Variants in NTM observed in about 807,000 individuals in gnomAD.
NTM encodes IgLON family member 2.
A neutral mutation model predicts 42.1 loss-of-function variants in NTM; 13 were observed. The observed-to-expected ratio is 0.31, with a 90% confidence interval of 0.20 to 0.49. NTM has a LOEUF of 0.49. Among genes scored for constraint, NTM ranks in the 20% least tolerant of loss-of-function variants. The pLI, the probability that NTM is intolerant of heterozygous loss-of-function variation, is 0.99. For synonymous variants in NTM, 187 were observed against 179.2 expected (o/e 1.04, Z -0.35); for missense variants, 373 against 452.8 (o/e 0.82, Z 1.60).
intron 1 of NTM, among the ~76,000 whole-genome samples, chr11:131,592,905 C>A (rs970793707): frequency 6.6e-6 from 1 of 152,164 alleles, no homozygotes; most frequent in Non-Finnish European, 1.5e-5. Context: ...CCCTTCCCTG[C>A]CAATCTCCGG....
At chr11:131,716,345 C>T (rs2077686260) in intron 1 of NTM, among the ~76,000 whole-genome samples, 1 of 152,108 alleles carries the variant, frequency 6.6e-6, no homozygotes, top group Admixed American at 6.5e-5. Context: ...ATATTCAGAC[C>T]ATAGCCTAAG....
chr11:132,094,000 A>G (rs1410943864), intron 2 of NTM, among the ~76,000 whole-genome samples: 1 of 152,176 alleles, frequency 6.6e-6, no homozygotes, highest in Non-Finnish European at 1.5e-5. Context: ...GAAAAAGGAA[A>G]GTGATGAACA....
chr11:131,875,319 T>C (rs1469480584), intron 1 of NTM, among the ~76,000 whole-genome samples: 1 of 152,220 alleles, frequency 6.6e-6, no homozygotes, highest in African/African-American at 2.4e-5. Context: ...CTTATAATAT[T>C]TGGTGAGTTC....
intron 4 of NTM, among the ~76,000 whole-genome samples, chr11:132,249,575 C>T (rs2091687516): frequency 6.6e-6 from 1 of 152,194 alleles, no homozygotes; most frequent in South Asian, 2.1e-4. Context: ...ATTTCAAATC[C>T]TAGGTGTCAT....
chr11:132,159,396 A>C (rs892904912), intron 3 of NTM, among the ~76,000 whole-genome samples: 1 of 152,202 alleles, frequency 6.6e-6, no homozygotes, highest in African/African-American at 2.4e-5. Flanking sequence ...TAAAAGTTTC[A>C]AGTTTATATA....
chr11:132,248,219 C>T (rs1202901844), intron 4 of NTM, among the ~76,000 whole-genome samples: 6 of 152,190 alleles, frequency 3.9e-5, no homozygotes, highest in Non-Finnish European at 8.8e-5. Flanking sequence ...CATCCTTCTC[C>T]TGGCTTGTCA....
Position 132,146,837 on chromosome 11 carries a change from G to T in NTM, c.400+323G>T, listed in dbSNP as rs1387272951. Reference sequence around the variant, plus strand: ...GTTTGTTTGTTTTTTGTTTTGTTTTGTTTTGTTTTTTAGATTTCATCCAAT... The same window carrying T: ...GTTTGTTTGTTTTTTGTTTTGTTTTTTTTTGTTTTTTAGATTTCATCCAAT... On this transcript the variant is annotated intron_variant, in intron 3 of 8. Transcript: ENST00000683400. The surrounding 1 kb of genome is among the most constrained non-coding windows in gnomAD (Gnocchi z 4.5). The T allele has an allele frequency of 2.9e-6, 1 of 340,538 alleles. No homozygotes were observed. Among genetic ancestry groups the T allele is most frequent in the Non-Finnish European group, 5.3e-6 (1 of 188,036 alleles). The allele number at this position is 340,538 out of a possible 1,614,324, so 21.1% of individuals were successfully genotyped here. A position where few individuals can be genotyped will look rare whatever the true frequency, so the allele number is the denominator to read the frequency against.
Position 132,267,515 on chromosome 11 carries a change from TA to T in NTM, c.527-40163del, listed in dbSNP as rs373793255. On this transcript the variant is annotated intron_variant, in intron 4 of 8. Transcript: ENST00000683400. ...TTTTTAATTTTCATTCAGATACCTTTAAAAAAAAAAACTCATGGGAGCTGGG... is the reference window on the plus strand; with the variant it reads ...TTTTTAATTTTCATTCAGATACCTTTAAAAAAAAAACTCATGGGAGCTGGG... 7.2e-4 allele frequency among the ~76,000 whole-genome samples: 103 copies of T among 144,028 alleles called. 1 individual carries two copies. Among genetic ancestry groups the T allele is most frequent in the South Asian group, 4.9e-3 (22 of 4,494 alleles). 94.5% of individuals were successfully genotyped at this position (144,028 alleles called of 152,430 possible). A position where few individuals can be genotyped will look rare whatever the true frequency, so the allele number is the denominator to read the frequency against.
chr11:132,121,326 A>G (rs371994197), intron 2 of NTM, among the ~76,000 whole-genome samples: 11 of 152,216 alleles, frequency 7.2e-5, no homozygotes, highest in Non-Finnish European at 1.6e-4. Context: ...AAAGTAAAAT[A>G]TAAAACAAAA....
intron 1 of NTM, among the ~76,000 whole-genome samples, chr11:131,395,593 A>G (rs1159551152): frequency 6.6e-6 from 1 of 152,198 alleles, no homozygotes; most frequent in East Asian, 1.9e-4. Context: ...TAATGACACT[A>G]ACAGGTCATG....
At position 132,021,383 on chromosome 11, in the gene NTM, CAG is replaced by C. The variant is rs1240764757; in HGVS notation, c.167+109740_167+109741del. Among the ~76,000 whole-genome samples the C allele has an allele frequency of 3.9e-5, 6 of 152,226 alleles. 1 individual carries two copies. The highest frequency in any genetic ancestry group is 3.3e-4 in the Admixed American group (5 of 15,286). ...GGTAAATTCAACATCTGGGGACAAT[CAG>C]AGAGTTTCTATTGCCTACTTTGTTT... is the stretch of plus-strand genomic sequence containing the variant. On this transcript the variant is annotated intron_variant, in intron 2 of 8. Coordinates refer to ENST00000683400, the MANE Select transcript of NTM (RefSeq NM_001352005.2).
intron 1 of NTM, among the ~76,000 whole-genome samples, chr11:131,816,740 C>T (rs1025678584): frequency 6.6e-6 from 1 of 151,966 alleles, no homozygotes; most frequent in African/African-American, 2.4e-5. Flanking sequence ...GGTATCTTTC[C>T]TAGGAGCCCT....
At chr11:132,254,249 G>A (rs1338792567) in intron 4 of NTM, among the ~76,000 whole-genome samples, 2 of 152,048 alleles carry the variant, frequency 1.3e-5, no homozygotes, top group African/African-American at 4.8e-5. Context: ...CCTGGGGAGT[G>A]TCTCCCCGCA....
At chr11:132,134,755 A>ATATATATATATC (rs2067538628) in intron 2 of NTM, among the ~76,000 whole-genome samples, 5 of 80,224 alleles carry the variant, frequency 6.2e-5, no homozygotes, top group Non-Finnish European at 9.8e-5. Context: ...ATATATATAT[A>ATATATATATATC]TATATCTCAC....
intron 7 of NTM, 146 bp downstream of exon 7, chr11:132,314,849 G>GAAAGA: frequency 7.2e-7 from 1 of 1,391,008 alleles, no homozygotes; most frequent in Middle Eastern, 2.5e-4. Flanking sequence ...GAGAGACACA[G>GAAAGA]AAAGAAATGG....
intron 1 of NTM, among the ~76,000 whole-genome samples, chr11:131,883,841 A>T (rs1268848599): frequency 6.6e-6 from 1 of 152,108 alleles, no homozygotes; most frequent in Non-Finnish European, 1.5e-5. Context: ...GGGCAGCATC[A>T]TATCTTTGTA....
At chr11:131,579,877 C>A (rs1180541279) in intron 1 of NTM, among the ~76,000 whole-genome samples, 1 of 152,208 alleles carries the variant, frequency 6.6e-6, no homozygotes, top group Non-Finnish European at 1.5e-5. Flanking sequence ...ATAAAAACTA[C>A]TATGAGACAG....
intron 1 of NTM, among the ~76,000 whole-genome samples, chr11:131,589,490 G>A (rs2059173328): frequency 6.6e-6 from 1 of 152,138 alleles, no homozygotes; most frequent in African/African-American, 2.4e-5. Context: ...CTTCCCACAG[G>A]AGCTTCTGCA....
intron 4 of NTM, among the ~76,000 whole-genome samples, chr11:132,226,975 T>C (rs1272437346): frequency 1.3e-5 from 2 of 152,162 alleles, no homozygotes; most frequent in Non-Finnish European, 2.9e-5. Context: ...TTTGGTCCTT[T>C]AGATATACAA....
Sources: allele counts gnomAD v4.1 joint callset (sites outside exome capture counted in the v4.1 genomes callset), GRCh38; gene constraint gnomAD v4.1.1; non-coding constraint Gnocchi (gnomAD v3.1); transcripts MANE v1.5; gene names NCBI Gene and HGNC (gene_info 2026-07-23, HGNC 2026-07-21).